Variants in ANGPTL2 observed in about 807,000 individuals in gnomAD.
ANGPTL2 encodes angiopoietin like 2.
Under a neutral mutation model 52.8 loss-of-function variants are expected in ANGPTL2, and 25 were observed. The observed-to-expected ratio is 0.47, with a 90% CI of 0.35 to 0.66. ANGPTL2 has a LOEUF of 0.66. Among genes scored for constraint, ANGPTL2 ranks in the 30% least tolerant of loss-of-function variants. The probability of loss-of-function intolerance (pLI) is 0.01; values close to 1 mark genes in which losing one functional copy is unlikely to be tolerated. For missense variants in ANGPTL2, 546 were observed against 656.9 expected (o/e 0.83, Z 1.84); for synonymous variants, 276 against 277.4 (o/e 1.00, Z 0.05).
intron 1 of ANGPTL2, among the ~76,000 whole-genome samples, chr9:127,119,963 G>A (rs1051132324): frequency 6.6e-6 from 1 of 152,232 alleles, no homozygotes; most frequent in African/African-American, 2.4e-5. Context: ...AATACTTGAT[G>A]TCACCTTTTC....
intron 3 of ANGPTL2, among the ~76,000 whole-genome samples, chr9:127,092,181 A>G (rs758348963): frequency 1.3e-5 from 2 of 152,220 alleles, no homozygotes; most frequent in African/African-American, 2.4e-5. Flanking sequence ...TTGTTCTTAC[A>G]TCAGGGAGGC....
intron 2 of ANGPTL2, among the ~76,000 whole-genome samples, chr9:127,103,126 C>T (rs1405586430): frequency 1.3e-5 from 2 of 152,222 alleles, no homozygotes; most frequent in East Asian, 3.8e-4. Context: ...GCTTGCTTGA[C>T]CTCCAGAAAG....
intron 1 of ANGPTL2, among the ~76,000 whole-genome samples, chr9:127,117,046 G>A (rs2055506932): frequency 6.6e-6 from 1 of 152,212 alleles, no homozygotes; most frequent in Non-Finnish European, 1.5e-5. Context: ...ATCTGATCAT[G>A]TCAGCGTCCT....
At position 127,093,946 on chromosome 9, in the gene ANGPTL2, T is replaced by C. The variant is rs1365478394; in HGVS notation, c.818-20A>G. ...ATGGGCCTGGGGACACAGACATGCA[T>C]ATACATCACAGACCTGCCTGTCACC... On this transcript the variant is annotated intron_variant, in intron 2 of 4. Coordinates refer to ENST00000373425, the MANE Select transcript of ANGPTL2 (RefSeq NM_012098.3). The C allele has an allele frequency of 1.2e-6, 2 of 1,610,658 alleles. No homozygotes were observed. Among genetic ancestry groups the C allele is most frequent in the South Asian group, 1.1e-5 (1 of 90,964 alleles).
intron 1 of ANGPTL2, among the ~76,000 whole-genome samples, chr9:127,114,920 G>C (rs1306814932): frequency 1.3e-5 from 2 of 152,340 alleles, no homozygotes; most frequent in East Asian, 3.9e-4. Context: ...TTAGCTAGCA[G>C]GTGTTCCTAC....
Position 127,108,292 on chromosome 9 carries a change from C to T in ANGPTL2, c.440G>A (p.Arg147His), listed in dbSNP as rs1339474929. The T allele has an allele frequency of 5.0e-6, 8 of 1,613,830 alleles. No homozygotes were observed. Among genetic ancestry groups the T allele is most frequent in the South Asian group, 1.1e-5 (1 of 91,060 alleles). ...LYMQLLHEII[R>H]KRDNALELSQ... Reference sequence around the variant, plus strand: ...GAGCTCCAACGCGTTGTCCCGCTTGCGGATGATCTCGTGCAGGAGCTGCAT... The same window carrying T: ...GAGCTCCAACGCGTTGTCCCGCTTGTGGATGATCTCGTGCAGGAGCTGCAT... Residue 147 changes from arginine (R) to histidine (H), a missense_variant, in exon 2 of 5, where the codon CGC becomes CAC. This residue lies in a region of ANGPTL2 where 285 missense variants were observed against 295.8 expected (regional missense o/e 0.96). Transcript: ENST00000373425.
intron 1 of ANGPTL2, among the ~76,000 whole-genome samples, chr9:127,115,718 T>C (rs1046229013): frequency 1.3e-5 from 2 of 152,242 alleles, no homozygotes; most frequent in African/African-American, 4.8e-5. Context: ...GTTGACTGAA[T>C]AAGTAGAAAT....
At chr9:127,093,666 C>T in intron 3 of ANGPTL2, 67 bp downstream of exon 3, 1 of 1,577,716 alleles carries the variant, frequency 6.3e-7, no homozygotes, top group South Asian at 1.2e-5. Context: ...CTATTGGTTG[C>T]TCAGGCCTCT....
intron 4 of ANGPTL2, among the ~76,000 whole-genome samples, chr9:127,089,914 G>C (rs118152407): frequency 0.01 from 1,567 of 152,312 alleles, 48 homozygotes; most frequent in Non-Finnish European, 0.015. Context: ...GACTGGGCCT[G>C]GCAAGGGGAC....
chr9:127,103,492 A>C lies in ANGPTL2; in HGVS notation c.817+4423T>G, dbSNP rs150531622. 3.2e-3 allele frequency among the ~76,000 whole-genome samples: 487 copies of C among 152,376 alleles called. 1 individual carries two copies. The highest frequency in any genetic ancestry group is 6.8e-3 in the Middle Eastern group (2 of 294). On this transcript the variant is annotated intron_variant, in intron 2 of 4. Coordinates refer to ENST00000373425, the MANE Select transcript of ANGPTL2 (RefSeq NM_012098.3). ...TATATGTTGAAAGACTTAGCTATACATTGAAATGCTGAGTAGAAGGAACCC... is the reference window on the plus strand; with the variant it reads ...TATATGTTGAAAGACTTAGCTATACCTTGAAATGCTGAGTAGAAGGAACCC...
chr9:127,115,354 T>C (rs1238574476), intron 1 of ANGPTL2, among the ~76,000 whole-genome samples: 2 of 152,200 alleles, frequency 1.3e-5, no homozygotes, highest in Non-Finnish European at 2.9e-5. Flanking sequence ...CACACCTGGC[T>C]AATTTTTGTA....
At chr9:127,100,438 G>T (rs1014955122) in intron 2 of ANGPTL2, among the ~76,000 whole-genome samples, 2 of 152,122 alleles carry the variant, frequency 1.3e-5, no homozygotes, top group Admixed American at 6.5e-5. Context: ...GCATTGCGTC[G>T]CTCTTAGGTT....
intron 2 of ANGPTL2, among the ~76,000 whole-genome samples, chr9:127,107,644 C>CT (rs2054347683): frequency 1.3e-5 from 2 of 152,290 alleles, no homozygotes; most frequent in South Asian, 4.1e-4. Context: ...GCTCTGGGTT[C>CT]TTTCCTGTCA....
chr9:127,087,587 T>C lies in ANGPTL2; in HGVS notation c.*1352A>G, dbSNP rs2136286515. The C allele has an allele frequency of 6.6e-6, 1 of 152,492 alleles. No individual in the cohort carries two copies. The highest frequency in any genetic ancestry group is 2.1e-4 in the South Asian group (1 of 4,780). 9.4% of individuals were successfully genotyped at this position (152,492 alleles called of 1,614,324 possible). On this transcript the variant is annotated 3_prime_UTR_variant, in exon 5 of 5. Transcript: ENST00000373425. Reference sequence around the variant, plus strand: ...ACCTTCTTGACTCATCCCTTGCCCCTTCTTGGCAATAGTCCCGGGAGTGCT... The same window carrying C: ...ACCTTCTTGACTCATCCCTTGCCCCCTCTTGGCAATAGTCCCGGGAGTGCT...
chr9:127,108,870 G>T, intron 1 of ANGPTL2, 90 bp from the exon 2 acceptor site: 3 of 976,762 alleles, frequency 3.1e-6, no homozygotes, highest in Admixed American at 2.9e-5. Flanking sequence ...CGCCAGGCAG[G>T]CAGAGCTTTC....
intron 1 of ANGPTL2, among the ~76,000 whole-genome samples, chr9:127,114,181 A>T (rs2055158366): frequency 6.6e-6 from 1 of 152,124 alleles, no homozygotes; most frequent in Non-Finnish European, 1.5e-5. Flanking sequence ...GCACTGTGCT[A>T]CTCTAGGGGA....
intron 1 of ANGPTL2, among the ~76,000 whole-genome samples, chr9:127,114,667 G>T (rs1008912830): frequency 6.6e-6 from 1 of 152,256 alleles, no homozygotes; most frequent in Non-Finnish European, 1.5e-5. Flanking sequence ...CCATTGGTCT[G>T]TGATCACAGA....
At chr9:127,098,547 T>A (rs984915919) in intron 2 of ANGPTL2, among the ~76,000 whole-genome samples, 31 of 152,140 alleles carry the variant, frequency 2.0e-4, no homozygotes, top group African/African-American at 7.2e-4. Context: ...GGGTCTGGGG[T>A]CAGGAGGCCT....
chr9:127,110,034 A>C (rs1194871696), intron 1 of ANGPTL2, among the ~76,000 whole-genome samples: 1 of 152,006 alleles, frequency 6.6e-6, no homozygotes, highest in African/African-American at 2.4e-5. Flanking sequence ...TTTTTCTCTC[A>C]ACTTAAAACC....
Sources: allele counts gnomAD v4.1 joint callset (sites outside exome capture counted in the v4.1 genomes callset), GRCh38; gene constraint gnomAD v4.1.1; regional missense constraint gnomAD v4.1.1; transcripts MANE v1.5; gene names NCBI Gene and HGNC (gene_info 2026-07-23, HGNC 2026-07-21).